ATXN1: variants seen among roughly 807,000 people sequenced by gnomAD.
ATXN1 encodes the protein ataxin-1.
In ATXN1, 8 loss-of-function variants were observed where a neutral mutation model predicts 56.4. The ratio of observed to expected loss-of-function variants is 0.14; its 90% CI spans 0.08 to 0.26. The LOEUF (loss-of-function observed/expected upper bound fraction) is 0.26. ATXN1 is among the 10% of genes least tolerant of loss of function. The pLI is 1.00. For synonymous variants in ATXN1, 514 were observed against 494.6 expected (o/e 1.04, Z -0.52); for missense variants, 987 against 1,106.5 (o/e 0.89, Z 1.53).
At chr6:16,523,892 G>C (rs1292978349) in intron 4 of ATXN1, among the ~76,000 whole-genome samples, 1 of 152,194 alleles carries the variant, frequency 6.6e-6, no homozygotes, top group African/African-American at 2.4e-5. Context: ...CACCACACAA[G>C]GAACTAAGTT....
chr6:16,670,731 T>C (rs1045591305), intron 2 of ATXN1, among the ~76,000 whole-genome samples: 9 of 152,158 alleles, frequency 5.9e-5, no homozygotes, highest in Non-Finnish European at 1.3e-4. Context: ...AAAACACTAC[T>C]AGAAGTCAGG....
chr6:16,672,604 G>A (rs1272290737), intron 2 of ATXN1, among the ~76,000 whole-genome samples: 2 of 152,206 alleles, frequency 1.3e-5, no homozygotes, highest in African/African-American at 4.8e-5. Flanking sequence ...AGTCTGAGAA[G>A]GAGGAAGAAG....
At chr6:16,316,863 G>GTTTTTTTTTTTTT (rs1561847571) in intron 7 of ATXN1, among the ~76,000 whole-genome samples, 3 of 84,240 alleles carry the variant, frequency 3.6e-5, no homozygotes, top group South Asian at 4.8e-4. Flanking sequence ...GAGACTGCCT[G>GTTTTTTTTTTTTT]TCTTTTTTTT....
chr6:16,505,552 A>G (rs556022415), intron 5 of ATXN1, among the ~76,000 whole-genome samples: 1 of 152,168 alleles, frequency 6.6e-6, no homozygotes, highest in Admixed American at 6.5e-5. Context: ...AGATTTTGAA[A>G]TTTCCCCTTG....
rs1221825090 is a variant in ATXN1 at position 16,410,983 on chromosome 6, T to A, written c.-161+74989A>T. On this transcript the variant is annotated intron_variant, in intron 6 of 7. Transcript: ENST00000436367. The surrounding 1 kb of genome is among the most constrained non-coding windows in gnomAD (Gnocchi z 4.6). ...CTACCAAAAATACAAAAATTAGCCGTGTGTAGTAGCACATGCCTGTAGTTT... is the reference window on the plus strand; with the variant it reads ...CTACCAAAAATACAAAAATTAGCCGAGTGTAGTAGCACATGCCTGTAGTTT... 6.6e-6 allele frequency among the ~76,000 whole-genome samples: 1 copy of A among 151,776 alleles called. No homozygotes were observed. Among genetic ancestry groups the A allele is most frequent in the Non-Finnish European group, 1.5e-5 (1 of 67,932 alleles).
intron 6 of ATXN1, among the ~76,000 whole-genome samples, chr6:16,387,404 G>C (rs1387651055): frequency 1.3e-5 from 2 of 152,208 alleles, no homozygotes; most frequent in African/African-American, 4.8e-5. Flanking sequence ...AGTTCACTGT[G>C]GAAGACCTCT....
chr6:16,664,831 A>C (rs1191727771), intron 2 of ATXN1, among the ~76,000 whole-genome samples: 2 of 152,144 alleles, frequency 1.3e-5, no homozygotes, highest in Admixed American at 1.3e-4. Context: ...TAGGTAGATC[A>C]TATTTAACAA....
intron 3 of ATXN1, among the ~76,000 whole-genome samples, chr6:16,610,644 A>T (rs1763087685): frequency 6.6e-6 from 1 of 152,164 alleles, no homozygotes; most frequent in African/African-American, 2.4e-5. Flanking sequence ...ATTTCATAGA[A>T]TATATTTGAA....
chr6:16,751,998 G>C (rs1760736347), intron 2 of ATXN1, among the ~76,000 whole-genome samples: 1 of 152,160 alleles, frequency 6.6e-6, no homozygotes, highest in Non-Finnish European at 1.5e-5. Context: ...GACTACTCAA[G>C]GTCATAGTGG....
chr6:16,708,039 C>T (rs917549043), intron 2 of ATXN1, among the ~76,000 whole-genome samples: 2 of 152,010 alleles, frequency 1.3e-5, no homozygotes, highest in African/African-American at 4.8e-5. Flanking sequence ...CAGAGCTATG[C>T]ACAATATGTG....
At chr6:16,491,934 T>A (rs1291906273) in intron 5 of ATXN1, among the ~76,000 whole-genome samples, 1 of 151,788 alleles carries the variant, frequency 6.6e-6, no homozygotes, top group Admixed American at 6.6e-5. Flanking sequence ...GACCTGAGAG[T>A]GGCCCCCAGC....
At chr6:16,504,780 AG>A (rs1332485659) in intron 5 of ATXN1, among the ~76,000 whole-genome samples, 1 of 152,146 alleles carries the variant, frequency 6.6e-6, no homozygotes, top group African/African-American at 2.4e-5. Flanking sequence ...AAAATAACAC[AG>A]GGGAAATGAA....
intron 4 of ATXN1, among the ~76,000 whole-genome samples, chr6:16,577,251 C>T (rs1209048774): frequency 2.0e-5 from 3 of 152,112 alleles, no homozygotes; most frequent in African/African-American, 4.8e-5. Flanking sequence ...TGGCCGGGCA[C>T]GGTGGCTCAT....
chr6:16,577,728 C>T (rs1377388862), intron 4 of ATXN1, among the ~76,000 whole-genome samples: 1 of 152,072 alleles, frequency 6.6e-6, no homozygotes, highest in Non-Finnish European at 1.5e-5. Context: ...TCTGATATGA[C>T]TGCTTCTCTA....
chr6:16,665,693 T>A (rs1385752634), intron 2 of ATXN1, among the ~76,000 whole-genome samples: 1 of 152,114 alleles, frequency 6.6e-6, no homozygotes, highest in Non-Finnish European at 1.5e-5. Flanking sequence ...CTCTTGGGGA[T>A]CACTGAGTAC....
Position 16,714,173 on chromosome 6 carries a change from ACC to A in ATXN1, c.-615+39058_-615+39059del, listed in dbSNP as rs1561819280. ...GTAGAAAAAAAGAAAGAAAAAAAAA[ACC>A]ACACACCACACACACACACACACAC... On this transcript the variant is annotated intron_variant, in intron 2 of 7. Transcript: ENST00000436367. 7.9e-4 allele frequency among the ~76,000 whole-genome samples: 102 copies of A among 128,554 alleles called. 1 individual carries two copies. In the East Asian group the frequency reaches 0.015, roughly 19 times the overall value. 84.3% of individuals were successfully genotyped at this position (128,554 alleles called of 152,430 possible). A position where few individuals can be genotyped will look rare whatever the true frequency, so the allele number is the denominator to read the frequency against.
chr6:16,566,427 C>T (rs1179912937), intron 4 of ATXN1, among the ~76,000 whole-genome samples: 1 of 152,016 alleles, frequency 6.6e-6, no homozygotes, highest in Non-Finnish European at 1.5e-5. Context: ...ATTGGTGTAA[C>T]TTCTAGCTAC....
At chr6:16,465,181 G>A (rs1458986060) in intron 6 of ATXN1, among the ~76,000 whole-genome samples, 3 of 152,178 alleles carry the variant, frequency 2.0e-5, no homozygotes, top group Admixed American at 6.5e-5. Context: ...AAGGTGCAAC[G>A]GCTGGGTGTG....
At chr6:16,476,373 C>T (rs1243946508) in intron 6 of ATXN1, among the ~76,000 whole-genome samples, 1 of 152,116 alleles carries the variant, frequency 6.6e-6, no homozygotes, top group African/African-American at 2.4e-5. Context: ...CCATCAAACC[C>T]AGAGAAGAAT....
Sources: gnomAD v4.1 joint callset for allele counts (sites outside exome capture counted in the v4.1 genomes callset) on GRCh38, gnomAD v4.1.1 for gene constraint, Gnocchi (gnomAD v3.1) non-coding constraint, MANE v1.5 for transcripts, NCBI Gene and HGNC (gene_info 2026-07-23, HGNC 2026-07-21) for gene names.